KIAA1328: variants seen among roughly 807,000 people sequenced by gnomAD.
KIAA1328 encodes the protein KIAA1328.
KIAA1328 carries 52 observed loss-of-function variants against 68.1 expected under a neutral mutation model. The observed-to-expected ratio is 0.76, with a 90% CI of 0.61 to 0.96. The LOEUF (loss-of-function observed/expected upper bound fraction) is 0.96, where lower values mean the gene tolerates loss of function less well. KIAA1328 is among the 40% of genes least tolerant of loss of function. The pLI, the probability that KIAA1328 is intolerant of heterozygous loss-of-function variation, is 0.00. For missense variants in KIAA1328, 641 were observed against 677.6 expected (o/e 0.95, Z 0.60); for synonymous variants, 232 against 239.4 (o/e 0.97, Z 0.28).
chr18:36,912,522 G>A (rs1373782750), intron 5 of KIAA1328, among the ~76,000 whole-genome samples: 1 of 152,134 alleles, frequency 6.6e-6, no homozygotes, highest in Non-Finnish European at 1.5e-5. Flanking sequence ...GCCAAGTAAT[G>A]TAACATATTT....
rs1600965967 is a variant in KIAA1328 at position 36,846,959 on chromosome 18, A to G, written c.332+2657A>G. 3.3e-5 allele frequency among the ~76,000 whole-genome samples: 5 copies of G among 151,570 alleles called. 1 individual carries two copies. Among genetic ancestry groups the G allele is most frequent in the Admixed American group, 3.3e-4 (5 of 15,178 alleles). ...TCATTCTCCTTTCCCTCTTGCCCCT[A>G]GTAATCACTTTTCTGTGTGTCTCTA... On this transcript the variant is annotated intron_variant, in intron 4 of 9. Coordinates refer to ENST00000280020, the MANE Select transcript of KIAA1328 (RefSeq NM_020776.3).
intron 9 of KIAA1328, among the ~76,000 whole-genome samples, chr18:37,216,992 TTG>T (rs200790776): frequency 0.13 from 17,668 of 133,342 alleles, 1,299 homozygotes; most frequent in African/African-American, 0.2. Flanking sequence ...TTTTTTTTGT[TTG>T]TTTTTTTTTT....
intron 6 of KIAA1328, among the ~76,000 whole-genome samples, chr18:36,990,472 C>T (rs766735099): frequency 5.3e-5 from 8 of 151,890 alleles, no homozygotes; most frequent in South Asian, 2.1e-4. Flanking sequence ...GTCAGGAGCT[C>T]AACACCAGCC....
intron 5 of KIAA1328, among the ~76,000 whole-genome samples, chr18:36,958,851 A>T (rs1046133896): frequency 6.8e-5 from 10 of 146,528 alleles, no homozygotes; most frequent in Non-Finnish European, 1.5e-4. Flanking sequence ...TAATTTGTCT[A>T]TTTTTTTTTT....
chr18:36,922,874 G>C (rs1032433798), intron 5 of KIAA1328, among the ~76,000 whole-genome samples: 1 of 151,936 alleles, frequency 6.6e-6, no homozygotes, highest in African/African-American at 2.4e-5. Context: ...GTCATTTTAC[G>C]TACTGCCTTG....
In KIAA1328 at chr18:37,069,641, A is replaced by C. The variant is rs528540903; in HGVS notation, c.1232+2096A>C. Reference sequence around the variant, plus strand: ...AGAATTCTCCAGTGAAGCCATCTGGACCTGGAAATTTATTTTTTGAGACTT... The same window carrying C: ...AGAATTCTCCAGTGAAGCCATCTGGCCCTGGAAATTTATTTTTTGAGACTT... On this transcript the variant is annotated intron_variant, in intron 7 of 9. Transcript: ENST00000280020. Among the ~76,000 whole-genome samples, 186 of 152,226 alleles carry C rather than the reference A, an allele frequency of 1.2e-3. 1 individual carries two copies. Among genetic ancestry groups the C allele is most frequent in the Non-Finnish European group, 2.3e-3 (155 of 68,012 alleles).
rs200514729 is a variant in KIAA1328, at chr18:37,018,812, C to CT, written c.577-48072dup. Among the ~76,000 whole-genome samples, 612 of 151,502 alleles carry CT rather than the reference C, an allele frequency of 4.0e-3. 5 individuals carry two copies. The highest frequency in any genetic ancestry group is 0.014 in the African/African-American group (578 of 41,282). ...ATTTTTTTTTTAATGATTTTTATGTCTTTTTTCATTTCCTAGATTGCTCTA... is the reference window on the plus strand; with the variant it reads ...ATTTTTTTTTTAATGATTTTTATGTCTTTTTTTCATTTCCTAGATTGCTCTA... On this transcript the variant is annotated intron_variant, in intron 6 of 9. Transcript: ENST00000280020.
At chr18:36,982,087 TA>T (rs1474045076) in intron 6 of KIAA1328, among the ~76,000 whole-genome samples, 4 of 145,312 alleles carry the variant, frequency 2.8e-5, no homozygotes, top group East Asian at 2.0e-4. Flanking sequence ...TATATATTTA[TA>T]TTATATTATA....
intron 9 of KIAA1328, chr18:37,193,556 A>C (rs1332234781): frequency 1.4e-6 from 1 of 700,512 alleles, no homozygotes; most frequent in South Asian, 1.5e-5. Context: ...TAATCCTTGA[A>C]CCACTCATGG....
intron 1 of KIAA1328, 104 bp from the exon 2 acceptor site, chr18:36,834,216 C>T: frequency 7.9e-7 from 1 of 1,267,522 alleles, no homozygotes; most frequent in Non-Finnish European, 1.0e-6. Context: ...GTTACAAATT[C>T]CCAGGTCAAA....
At chr18:36,853,996 A>G (rs959020178) in intron 4 of KIAA1328, among the ~76,000 whole-genome samples, 1 of 152,144 alleles carries the variant, frequency 6.6e-6, no homozygotes, top group South Asian at 2.1e-4. Context: ...TGTCCTCCCT[A>G]AATTCATATG....
intron 6 of KIAA1328, among the ~76,000 whole-genome samples, chr18:37,007,706 C>A (rs2053832589): frequency 6.6e-6 from 1 of 152,094 alleles, no homozygotes; most frequent in Non-Finnish European, 1.5e-5. Context: ...AATGAAGCCA[C>A]CAAAAGGCTT....
chr18:37,009,934 T>C (rs2053914950), intron 6 of KIAA1328, among the ~76,000 whole-genome samples: 1 of 152,212 alleles, frequency 6.6e-6, no homozygotes, highest in Non-Finnish European at 1.5e-5. Flanking sequence ...TGAGAGTATT[T>C]ATTCAGAAAA....
chr18:37,068,295 A>G (rs945629135), intron 7 of KIAA1328, among the ~76,000 whole-genome samples: 1 of 152,176 alleles, frequency 6.6e-6, no homozygotes, highest in African/African-American at 2.4e-5. Context: ...ATAACAAGTG[A>G]TGGGAGTCTT....
rs990251023 is a variant in KIAA1328, at chr18:36,897,492, G to A, written c.448+11820G>A. ...AAGTGTCAAGAGGCAAAGGAGAAAA[G>A]AAGATGAGAGAGAGAGATAAAACCA... On this transcript the variant is annotated intron_variant, in intron 5 of 9. Coordinates refer to ENST00000280020, the MANE Select transcript of KIAA1328 (RefSeq NM_020776.3). Among the ~76,000 whole-genome samples the A allele has an allele frequency of 4.0e-5, 6 of 151,864 alleles. No homozygotes were observed. In the East Asian group the frequency reaches 1.2e-3, roughly 29 times the overall value.
intron 5 of KIAA1328, among the ~76,000 whole-genome samples, chr18:36,907,898 T>C (rs2049281160): frequency 6.6e-6 from 1 of 152,178 alleles, no homozygotes; most frequent in African/African-American, 2.4e-5. Context: ...TTCCCCTTTC[T>C]AATGGAAGCA....
intron 4 of KIAA1328, among the ~76,000 whole-genome samples, chr18:36,856,091 C>T (rs1282348620): frequency 6.6e-6 from 1 of 151,882 alleles, no homozygotes; most frequent in Non-Finnish European, 1.5e-5. Flanking sequence ...AATCATTTCC[C>T]TCTTGTTGTT....
chr18:36,839,023 A>G (rs749713000), intron 3 of KIAA1328, among the ~76,000 whole-genome samples: 1 of 152,096 alleles, frequency 6.6e-6, no homozygotes, highest in Non-Finnish European at 1.5e-5. Context: ...GTGAGCCACC[A>G]TGCCCATCCT....
At chr18:36,842,387 G>A (rs719847) in intron 3 of KIAA1328, among the ~76,000 whole-genome samples, 60,041 of 151,982 alleles carry the variant, frequency 0.4, 13,747 homozygotes, top group African/African-American at 0.63. Context: ...CAGGAAGGAA[G>A]TAGCCTTCCT....
Sources: allele counts gnomAD v4.1 joint callset (sites outside exome capture counted in the v4.1 genomes callset), GRCh38; gene constraint gnomAD v4.1.1; transcripts MANE v1.5; gene names NCBI Gene and HGNC (gene_info 2026-07-23, HGNC 2026-07-21).